TWIST2: variants seen among roughly 807,000 people sequenced by gnomAD.
TWIST2 encodes the protein twist family bHLH transcription factor 2, also known as twist-related protein 2.
A neutral mutation model predicts 11.6 loss-of-function variants in TWIST2; 1 was observed. The ratio of observed to expected loss-of-function variants is 0.09; its 90% CI spans 0.03 to 0.41. The LOEUF (loss-of-function observed/expected upper bound fraction) is 0.41. Ranked by LOEUF, TWIST2 falls within the 10% of genes least tolerant of loss-of-function variation. The pLI is 0.98. For missense variants in TWIST2, 168 were observed against 226.4 expected, an observed-to-expected ratio of 0.74 and a Z score of 1.66; for synonymous variants, 87 against 96.6, an observed-to-expected ratio of 0.90 and a Z score of 0.58.
intron 1 of TWIST2, among the ~76,000 whole-genome samples, chr2:238,904,778 A>C (rs1422019079): frequency 6.6e-6 from 1 of 152,042 alleles, no homozygotes; most frequent in Admixed American, 6.6e-5. Context: ...GGAAGGAAGA[A>C]AGGGAGGAAA....
At chr2:238,887,670 C>CT (rs1376756818) in intron 1 of TWIST2, among the ~76,000 whole-genome samples, 3 of 152,194 alleles carry the variant, frequency 2.0e-5, no homozygotes, top group Non-Finnish European at 2.9e-5. Flanking sequence ...CTCGGTGCAG[C>CT]TTCCAGGCTA....
At position 238,902,334 on chromosome 2, in the gene TWIST2, T is replaced by G. The variant is rs929353288; in HGVS notation, c.*36-7508T>G. ...GTGATGTGTATGTGTGGTGTGGGGGTGTGTGGTGTTGGGTTTGTGTGAATC... is the reference window on the plus strand; with the variant it reads ...GTGATGTGTATGTGTGGTGTGGGGGGGTGTGGTGTTGGGTTTGTGTGAATC... On this transcript the variant is annotated intron_variant, in intron 1 of 1. Coordinates refer to ENST00000612363, the MANE Select transcript of TWIST2 (RefSeq NM_001271893.4). Among the ~76,000 whole-genome samples, 666 of 142,482 alleles carry G rather than the reference T, an allele frequency of 4.7e-3. 3 individuals carry two copies. Among genetic ancestry groups the G allele is most frequent in the African/African-American group, 0.017 (636 of 37,898 alleles). 93.5% of individuals were successfully genotyped at this position (142,482 alleles called of 152,430 possible). A position where few individuals can be genotyped will look rare whatever the true frequency, so the allele number is the denominator to read the frequency against.
chr2:238,870,476 CCA>C (rs879193449), intron 1 of TWIST2, among the ~76,000 whole-genome samples: 14 of 96,512 alleles, frequency 1.5e-4, no homozygotes, highest in African/African-American at 2.4e-4. Flanking sequence ...CCGACACACG[CCA>C]CACACACACC....
intron 1 of TWIST2, among the ~76,000 whole-genome samples, chr2:238,898,357 G>A (rs1256849955): frequency 6.6e-6 from 1 of 152,236 alleles, no homozygotes; most frequent in Non-Finnish European, 1.5e-5. Context: ...ATGAACTGGA[G>A]ATTTTGTCAA....
intron 1 of TWIST2, among the ~76,000 whole-genome samples, chr2:238,883,826 C>T (rs1692983250): frequency 6.6e-6 from 1 of 152,106 alleles, no homozygotes; most frequent in Admixed American, 6.5e-5. Context: ...GCTGGTTTCC[C>T]AGCTGTAAGA....
intron 1 of TWIST2, among the ~76,000 whole-genome samples, chr2:238,897,656 C>A (rs1329958468): frequency 6.6e-6 from 1 of 152,194 alleles, no homozygotes; most frequent in Non-Finnish European, 1.5e-5. Context: ...CACTCTCTAC[C>A]GTGAAAGCAG....
intron 1 of TWIST2, among the ~76,000 whole-genome samples, chr2:238,870,811 ACCACACACC>A (rs1279194211): frequency 2.3e-5 from 1 of 44,430 alleles, no homozygotes; most frequent in Non-Finnish European, 4.4e-5. Flanking sequence ...CCATGCACAC[ACCACACACC>A]CCACACACAC....
intron 1 of TWIST2, among the ~76,000 whole-genome samples, chr2:238,871,165 A>ACAGCC (rs1692687374): frequency 5.5e-4 from 1 of 1,828 alleles, no homozygotes. Context: ...CACACACCCC[A>ACAGCC]CACACACACC....
intron 1 of TWIST2, among the ~76,000 whole-genome samples, chr2:238,877,262 G>A (rs1030855520): frequency 1.3e-5 from 2 of 152,136 alleles, no homozygotes; most frequent in East Asian, 1.9e-4. Flanking sequence ...CAGGTTTCTC[G>A]CCAGTATACT....
chr2:238,885,896 C>A lies in TWIST2; in HGVS notation c.*36-23946C>A, dbSNP rs142865876. Reference sequence around the variant, plus strand: ...CCCCAGAGAAGGCCCAGAGGCTGTACTGAGGCCTAGACAACATGGTGAAAA... The same window carrying A: ...CCCCAGAGAAGGCCCAGAGGCTGTAATGAGGCCTAGACAACATGGTGAAAA... On this transcript the variant is annotated intron_variant, in intron 1 of 1. Transcript: ENST00000612363. Among the ~76,000 whole-genome samples, 282 of 152,084 alleles carry A rather than the reference C, an allele frequency of 1.9e-3. 1 individual carries two copies. Among genetic ancestry groups the A allele is most frequent in the African/African-American group, 6.4e-3 (265 of 41,486 alleles).
At position 238,866,454 on chromosome 2, in the gene TWIST2, C is replaced by A. The variant is rs948745943; in HGVS notation, c.*35+17721C>A. Among the ~76,000 whole-genome samples, 1 of 152,136 alleles carries A rather than the reference C, an allele frequency of 6.6e-6. No individual in the cohort carries two copies. The highest frequency in any genetic ancestry group is 1.5e-5 in the Non-Finnish European group (1 of 68,026). ...CAGGCAGATCACGAGGTCAGGAATT[C>A]GAGACCAGCCTGGCCAACATGGTGA... On this transcript the variant is annotated intron_variant, in intron 1 of 1. Coordinates refer to ENST00000612363, the MANE Select transcript of TWIST2 (RefSeq NM_001271893.4). The surrounding 1 kb of genome is among the most constrained non-coding windows in gnomAD (Gnocchi z 4.9).
At chr2:238,870,131 C>T (rs1443331393) in intron 1 of TWIST2, among the ~76,000 whole-genome samples, 8 of 120,480 alleles carry the variant, frequency 6.6e-5, no homozygotes, top group Non-Finnish European at 7.2e-5. Context: ...CCCCCACACA[C>T]ACACCACACC....
chr2:238,871,216 ACCCCCC>A (rs544722461), intron 1 of TWIST2, among the ~76,000 whole-genome samples: 1 of 4,048 alleles, frequency 2.5e-4, no homozygotes, highest in Non-Finnish European at 4.4e-4. Context: ...CACAAACCAC[ACCCCCC>A]CACACACACA....
chr2:238,870,091 A>G (rs1384778951), intron 1 of TWIST2, among the ~76,000 whole-genome samples: 1 of 118,750 alleles, frequency 8.4e-6, no homozygotes, highest in Non-Finnish European at 1.8e-5. Context: ...AAACGACAAA[A>G]CGTGGTGTGT....
intron 1 of TWIST2, among the ~76,000 whole-genome samples, chr2:238,854,985 T>G (rs147699948): frequency 0.89 from 134,743 of 152,216 alleles, 60,118 homozygotes; most frequent in African/African-American, 0.98. Flanking sequence ...TGGCCGGTGC[T>G]CAGAGGGCTC....
chr2:238,886,293 T>A (rs1201630200), intron 1 of TWIST2, among the ~76,000 whole-genome samples: 1 of 151,934 alleles, frequency 6.6e-6, no homozygotes, highest in Non-Finnish European at 1.5e-5. Context: ...CTCTTCTTAG[T>A]GTTAATTATG....
At chr2:238,860,894 C>T (rs1323519813) in intron 1 of TWIST2, among the ~76,000 whole-genome samples, 2 of 152,108 alleles carry the variant, frequency 1.3e-5, no homozygotes, top group African/African-American at 2.4e-5. Context: ...GCCGACATCG[C>T]GCCACTGCCC....
chr2:238,908,324 C>T (rs1232487344), intron 1 of TWIST2, among the ~76,000 whole-genome samples: 1 of 133,014 alleles, frequency 7.5e-6, no homozygotes, highest in Non-Finnish European at 1.6e-5. Context: ...ACCACATACA[C>T]ACACATACCA....
At chr2:238,885,005 G>A (rs751768277) in intron 1 of TWIST2, among the ~76,000 whole-genome samples, 21 of 152,328 alleles carry the variant, frequency 1.4e-4, no homozygotes, top group African/African-American at 4.3e-4. Context: ...CCACACGCTC[G>A]TGGAGACACG....
Sources: gnomAD v4.1 joint callset for allele counts (sites outside exome capture counted in the v4.1 genomes callset) on GRCh38, gnomAD v4.1.1 for gene constraint, Gnocchi (gnomAD v3.1) non-coding constraint, MANE v1.5 for transcripts, NCBI Gene and HGNC (gene_info 2026-07-23, HGNC 2026-07-21) for gene names.